Variants in TMEM26 observed in about 807,000 individuals in gnomAD.
TMEM26 encodes the protein transmembrane protein 26.
A neutral mutation model predicts 28.8 loss-of-function variants in TMEM26; 38 were observed. The ratio of observed to expected loss-of-function variants is 1.32; its 90% confidence interval spans 1.02 to 1.73. The LOEUF is 1.73. Among genes scored for constraint, TMEM26 ranks in the 40% most tolerant of loss-of-function variants. The pLI is 0.00. For missense variants in TMEM26, 518 were observed against 447.1 expected (o/e 1.16, Z -1.43); for synonymous variants, 227 against 182.9 (o/e 1.24, Z -1.95).
At chr10:61,416,120 G>A (rs1000537721) in intron 4 of TMEM26, 1 of 449,420 alleles carries the variant, frequency 2.2e-6, no homozygotes, top group South Asian at 1.6e-5. Flanking sequence ...TTTTCCAACA[G>A]AGCCTGCAGA....
At chr10:61,440,635 G>T (rs1840077599) in intron 1 of TMEM26, among the ~76,000 whole-genome samples, 1 of 151,682 alleles carries the variant, frequency 6.6e-6, no homozygotes, top group African/African-American at 2.4e-5. Flanking sequence ...TCAGTTATAT[G>T]GGACTTCAGA....
chr10:61,430,430 A>G (rs1182155384), intron 3 of TMEM26, among the ~76,000 whole-genome samples: 1 of 151,964 alleles, frequency 6.6e-6, no homozygotes, highest in African/African-American at 2.4e-5. Context: ...AACATCTACA[A>G]AATACATATG....
rs1006263842 is a variant in TMEM26, at chr10:61,419,477, A to G, written c.606-5942T>C. On this transcript the variant is annotated intron_variant, in intron 4 of 5. Transcript: ENST00000399298. Reference sequence around the variant, plus strand: ...TAAGTGAGTAAATAAAGATACAGAAACTATGAAAATGGTTAAATAGAAACT... The same window carrying G: ...TAAGTGAGTAAATAAAGATACAGAAGCTATGAAAATGGTTAAATAGAAACT... Among the ~76,000 whole-genome samples the G allele has an allele frequency of 9.9e-5, 15 of 152,122 alleles. 2 individuals carry two copies. The highest frequency in any genetic ancestry group is 9.2e-4 in the Admixed American group (14 of 15,246).
Position 61,429,024 on chromosome 10 carries a change from G to A in TMEM26, c.507C>T (p.Ile169=). The change falls in exon 4 of 6, where the codon ATC becomes ATT. Residue 169 remains isoleucine (I), a synonymous_variant. Transcript: ENST00000399298. ...GRWLLPIGGG[I]TRDQLSQLLL... ...GAAGTTGAGAGAGTTGATCTCGAGT[G>A]ATCCCGCCTCCAATGGGTAGAAGCC... is the stretch of plus-strand genomic sequence containing the variant. 2 of 1,613,344 alleles carry A rather than the reference G, an allele frequency of 1.2e-6. No individual in the cohort carries two copies. The highest frequency in any genetic ancestry group is 1.3e-5 in the African/African-American group (1 of 74,982).
chr10:61,407,875 C>T lies in TMEM26; in HGVS notation c.*2447G>A, dbSNP rs1022893333. 5 of 151,924 alleles carry T rather than the reference C, an allele frequency of 3.3e-5. No individual in the cohort carries two copies. Among genetic ancestry groups the T allele is most frequent in the Admixed American group, 6.6e-5 (1 of 15,246 alleles). The allele number at this position is 151,924 out of a possible 1,614,324, so 9.4% of individuals were successfully genotyped here. ...ATTACAGATAAAATGTAAACAAGTC[C>T]CAGGATGTCCACACATGGGAGGTAA... On this transcript the variant is annotated 3_prime_UTR_variant, in exon 6 of 6. Transcript: ENST00000399298.
rs1314669150 is a variant in TMEM26 at position 61,413,065 on chromosome 10, C to G, written c.682+394G>C. ...ATAAAACTTTTATGGCAGCAACTTGCTAAGCAAACTGTATATTACTGAGTC... is the reference window on the plus strand; with the variant it reads ...ATAAAACTTTTATGGCAGCAACTTGGTAAGCAAACTGTATATTACTGAGTC... On this transcript the variant is annotated intron_variant, in intron 5 of 5. Transcript: ENST00000399298. The G allele has an allele frequency of 6.3e-6, 5 of 792,460 alleles. No homozygotes were observed. In the African/African-American group the frequency reaches 9.1e-5, roughly 14 times the overall value. 49.1% of individuals were successfully genotyped at this position (792,460 alleles called of 1,614,324 possible).
intron 3 of TMEM26, among the ~76,000 whole-genome samples, chr10:61,430,095 C>T (rs867039812): frequency 1.3e-5 from 2 of 151,860 alleles, no homozygotes; most frequent in Admixed American, 6.6e-5. Flanking sequence ...TGAAACTTTG[C>T]GTACATCATA....
rs201110784 is a variant in TMEM26 at position 61,449,948 on chromosome 10, C to T, written c.191+2943G>A. On this transcript the variant is annotated intron_variant, in intron 1 of 5. Transcript: ENST00000399298. The stretch of plus-strand genomic sequence containing the variant: ...TAGTGTCCTGATAATATATCATGGA[C>T]ATTCCTTGAGTTTAGTGGTTAAAAT... Among the ~76,000 whole-genome samples the T allele has an allele frequency of 5.7e-4, 86 of 152,196 alleles. 3 individuals carry two copies. In the East Asian group the frequency reaches 0.017, roughly 29 times the overall value.
At chr10:61,420,428 C>A (rs1839726261) in intron 4 of TMEM26, among the ~76,000 whole-genome samples, 1 of 151,942 alleles carries the variant, frequency 6.6e-6, no homozygotes, top group Non-Finnish European at 1.5e-5. Context: ...TTTTAAAAAT[C>A]TGCGTATACA....
intron 1 of TMEM26, among the ~76,000 whole-genome samples, chr10:61,444,046 C>A (rs1463585261): frequency 6.6e-6 from 1 of 152,182 alleles, no homozygotes; most frequent in East Asian, 1.9e-4. Context: ...GCACATCTTT[C>A]TTTTCTGCAC....
At chr10:61,415,577 A>G (rs1015351713) in intron 4 of TMEM26, among the ~76,000 whole-genome samples, 2 of 152,080 alleles carry the variant, frequency 1.3e-5, no homozygotes, top group Non-Finnish European at 2.9e-5. Flanking sequence ...AAGGAGGTAA[A>G]AGAGAGTTGA....
intron 3 of TMEM26, among the ~76,000 whole-genome samples, chr10:61,429,558 T>C (rs915502184): frequency 1.3e-5 from 2 of 152,116 alleles, no homozygotes; most frequent in Admixed American, 6.6e-5. Context: ...TAAATCTGAA[T>C]GTACTAATCT....
chr10:61,439,238 G>A (rs1448010664), intron 1 of TMEM26, among the ~76,000 whole-genome samples: 1 of 152,174 alleles, frequency 6.6e-6, no homozygotes, highest in Non-Finnish European at 1.5e-5. Context: ...AACACATGCT[G>A]TACTGTTTTA....
At chr10:61,443,687 T>C (rs1840133358) in intron 1 of TMEM26, among the ~76,000 whole-genome samples, 1 of 152,188 alleles carries the variant, frequency 6.6e-6, no homozygotes, top group East Asian at 1.9e-4. Flanking sequence ...TTAGTTATAA[T>C]TTTCATTGTT....
chr10:61,447,406 A>G (rs1024465318), intron 1 of TMEM26, among the ~76,000 whole-genome samples: 2 of 152,206 alleles, frequency 1.3e-5, no homozygotes, highest in Non-Finnish European at 2.9e-5. Flanking sequence ...TTTCAATTTC[A>G]CTGCTGAACT....
chr10:61,440,112 C>T (rs1254624878), intron 1 of TMEM26, among the ~76,000 whole-genome samples: 1 of 151,934 alleles, frequency 6.6e-6, no homozygotes, highest in Non-Finnish European at 1.5e-5. Context: ...TGGTGGCTTG[C>T]ACCTGTAATC....
chr10:61,440,248 G>C (rs1242141350), intron 1 of TMEM26, among the ~76,000 whole-genome samples: 3 of 151,608 alleles, frequency 2.0e-5, no homozygotes, highest in Non-Finnish European at 4.4e-5. Context: ...TCAAAAAAAA[G>C]CAAAAAAAAT....
At chr10:61,416,334 C>T (rs1000583225) in intron 4 of TMEM26, among the ~76,000 whole-genome samples, 2 of 152,120 alleles carry the variant, frequency 1.3e-5, no homozygotes, top group South Asian at 2.1e-4. Context: ...CCAGCTCCAA[C>T]TCTCACTAAA....
chr10:61,412,538 T>C (rs868132775), intron 5 of TMEM26, among the ~76,000 whole-genome samples: 1 of 152,122 alleles, frequency 6.6e-6, no homozygotes, highest in Non-Finnish European at 1.5e-5. Flanking sequence ...AAAACATAAT[T>C]ATTAATTTCT....
Sources: gnomAD v4.1 joint callset for allele counts (sites outside exome capture counted in the v4.1 genomes callset) on GRCh38, gnomAD v4.1.1 for gene constraint, MANE v1.5 for transcripts, NCBI Gene and HGNC (gene_info 2026-07-23, HGNC 2026-07-21) for gene names.